CEP57: variants seen among roughly 807,000 people sequenced by gnomAD.
The protein encoded by CEP57 is centrosomal protein 57.
In CEP57, 40 loss-of-function variants were observed where a neutral mutation model predicts 68.0. That is an observed-to-expected ratio of 0.59 (90% CI 0.46 to 0.77). The LOEUF is 0.77. Among genes scored for constraint, CEP57 ranks in the 30% least tolerant of loss-of-function variants. CEP57 has a pLI of 0.00. For missense variants in CEP57, 606 were observed against 580.7 expected (o/e 1.04, Z -0.45); for synonymous variants, 219 against 198.7 (o/e 1.10, Z -0.86).
intron 2 of CEP57, among the ~76,000 whole-genome samples, chr11:95,800,266 A>T (rs544841573): frequency 6.6e-6 from 1 of 152,218 alleles, no homozygotes; most frequent in Admixed American, 6.5e-5. Flanking sequence ...CAGTACTGAG[A>T]TTCTGTTGCT....
At chr11:95,808,201 A>G (rs922225188) in intron 2 of CEP57, among the ~76,000 whole-genome samples, 5 of 152,216 alleles carry the variant, frequency 3.3e-5, no homozygotes, top group Non-Finnish European at 7.3e-5. Context: ...CTGCCTTACA[A>G]GATCTCCTGA....
At chr11:95,804,548 G>A (rs1861711603) in intron 2 of CEP57, among the ~76,000 whole-genome samples, 1 of 152,160 alleles carries the variant, frequency 6.6e-6, no homozygotes, top group Non-Finnish European at 1.5e-5. Flanking sequence ...CGTGATGAGA[G>A]TTGTCAAAGC....
At chr11:95,818,095 T>G in intron 5 of CEP57, 192 bp downstream of exon 5, 1 of 561,180 alleles carries the variant, frequency 1.8e-6, no homozygotes, top group Non-Finnish European at 3.2e-6. Context: ...GCATTTTTTT[T>G]TATGAAAATG....
At chr11:95,822,167 T>A in intron 7 of CEP57, 189 bp downstream of exon 7, 1 of 612,188 alleles carries the variant, frequency 1.6e-6, no homozygotes, top group Non-Finnish European at 2.9e-6. Flanking sequence ...AGAAAATATA[T>A]AAGCATTTTG....
intron 2 of CEP57, among the ~76,000 whole-genome samples, chr11:95,812,239 TAC>T (rs1862097451): frequency 6.6e-6 from 1 of 152,080 alleles, no homozygotes; most frequent in Admixed American, 6.6e-5. Context: ...TAGTTACTAA[TAC>T]ATTTACTAAT....
chr11:95,827,898 C>A lies in CEP57; in HGVS notation c.998C>A (p.Ala333Glu). 6.2e-7 allele frequency: 1 copy of A among 1,614,062 alleles called. No individual in the cohort carries two copies. Among genetic ancestry groups the A allele is most frequent in the Non-Finnish European group, 8.5e-7 (1 of 1,179,998 alleles). ...NDRVINSIPL[A>E]KQVSSRGGKS... ...CGAGTCATCAACAGTATTCCTTTGG[C>A]AAAGCAAGTATCTTCACGAGGTGGT... Residue 333 changes from alanine (A) to glutamate (E), a missense_variant, in exon 9 of 11, where the codon GCA (alanine) becomes GAA (glutamate). Ala to Glu is a moderately radical substitution (Grantham distance 107, BLOSUM62 -1). Transcript: ENST00000325542.
Position 95,790,647 on chromosome 11 carries a change from C to G in CEP57, c.-52C>G, listed in dbSNP as rs1485595060. 6.2e-7 allele frequency: 1 copy of G among 1,601,554 alleles called. No individual in the cohort carries two copies. The highest frequency in any genetic ancestry group is 1.1e-5 in the South Asian group (1 of 89,176). On this transcript the variant is annotated 5_prime_UTR_variant, in exon 1 of 11. Transcript: ENST00000325542. ...GGCTCCCGAGTCTTGGAGAAGAGCA[C>G]GAGAACCTAGACCGCCCCCGAAGTG...
At chr11:95,809,631 C>G (rs1335448795) in intron 2 of CEP57, among the ~76,000 whole-genome samples, 5 of 151,944 alleles carry the variant, frequency 3.3e-5, no homozygotes, top group Non-Finnish European at 7.4e-5. Flanking sequence ...ACACATACAC[C>G]CTCCCAAGAC....
chr11:95,828,456 A>G (rs934013087), intron 9 of CEP57, among the ~76,000 whole-genome samples: 2 of 149,810 alleles, frequency 1.3e-5, no homozygotes, highest in East Asian at 3.9e-4. Context: ...TTGTAACACA[A>G]TGGTAAGTAT....
rs1463915269 is a variant in CEP57 at position 95,790,564 on chromosome 11, C to T, written c.-135C>T. 3.8e-6 allele frequency: 4 copies of T among 1,051,256 alleles called. No individual in the cohort carries two copies. Among genetic ancestry groups the T allele is most frequent in the Admixed American group, 4.1e-5 (2 of 48,416 alleles). The allele number at this position is 1,051,256 out of a possible 1,614,324, so 65.1% of individuals were successfully genotyped here. On this transcript the variant is annotated 5_prime_UTR_variant, in exon 1 of 11. Coordinates refer to ENST00000325542, the MANE Select transcript of CEP57 (RefSeq NM_014679.5). The stretch of plus-strand genomic sequence containing the variant: ...GTGTTGCAGGGGTTTCCAAGCCCAG[C>T]ACCAGCACCCTTGCCCTTTTCCATC...
intron 2 of CEP57, among the ~76,000 whole-genome samples, chr11:95,803,704 T>C (rs1441519877): frequency 2.0e-5 from 3 of 151,936 alleles, no homozygotes; most frequent in East Asian, 1.9e-4. Context: ...TTTTTTTTTT[T>C]CGGCTTGTAA....
chr11:95,811,899 T>C (rs1862079184), intron 2 of CEP57, among the ~76,000 whole-genome samples: 1 of 152,084 alleles, frequency 6.6e-6, no homozygotes, highest in South Asian at 2.1e-4. Context: ...ACTGATTGCC[T>C]GAGGGAATTC....
chr11:95,808,979 A>C (rs914447845), intron 2 of CEP57, among the ~76,000 whole-genome samples: 2 of 152,208 alleles, frequency 1.3e-5, no homozygotes, highest in African/African-American at 2.4e-5. Flanking sequence ...GCAAATGTAA[A>C]AGAACAAATT....
At chr11:95,812,221 A>G (rs1862095912) in intron 2 of CEP57, among the ~76,000 whole-genome samples, 1 of 152,102 alleles carries the variant, frequency 6.6e-6, no homozygotes, top group African/African-American at 2.4e-5. Context: ...AAATGTATTA[A>G]TAAGTAATAG....
intron 4 of CEP57, 67 bp from the exon 5 acceptor site, chr11:95,817,720 C>G: frequency 9.4e-7 from 1 of 1,062,630 alleles, no homozygotes; most frequent in East Asian, 2.4e-5. Flanking sequence ...CATAGAAAAA[C>G]ACTGCTCAGT....
chr11:95,805,595 G>A (rs578029577), intron 2 of CEP57, among the ~76,000 whole-genome samples: 35 of 152,286 alleles, frequency 2.3e-4, no homozygotes, highest in African/African-American at 8.4e-4. Flanking sequence ...GTAAAAGACG[G>A]CAGCTCTCCC....
chr11:95,793,607 A>G (rs1017910593), intron 1 of CEP57, among the ~76,000 whole-genome samples: 3 of 152,276 alleles, frequency 2.0e-5, no homozygotes, highest in South Asian at 4.1e-4. Flanking sequence ...TAAGATTATA[A>G]TGTATGGTAT....
At chr11:95,813,413 T>G in intron 3 of CEP57, 55 bp from the exon 4 acceptor site, 2 of 1,594,570 alleles carry the variant, frequency 1.3e-6, no homozygotes, top group Non-Finnish European at 1.7e-6. Flanking sequence ...TAACAGCTTG[T>G]TAAAACTATT....
chr11:95,818,776 C>T (rs1284741381), intron 5 of CEP57, 51 bp from the exon 6 acceptor site: 2 of 1,414,984 alleles, frequency 1.4e-6, no homozygotes, highest in African/African-American at 2.8e-5. Flanking sequence ...TAAAATTTTA[C>T]AGACACTTAA....
Sources: gnomAD v4.1 joint callset for allele counts (sites outside exome capture counted in the v4.1 genomes callset) on GRCh38, gnomAD v4.1.1 for gene constraint, MANE v1.5 for transcripts, NCBI Gene and HGNC (gene_info 2026-07-23, HGNC 2026-07-21) for gene names.